Variants in ERBB4 observed in about 807,000 individuals in gnomAD.
ERBB4 encodes receptor tyrosine-protein kinase erbB-4.
In ERBB4, 42 loss-of-function variants were observed where a neutral mutation model predicts 158.0. That is an observed-to-expected ratio of 0.27 (90% CI 0.21 to 0.34). The LOEUF is 0.34. Among genes scored for constraint, ERBB4 ranks in the 10% least tolerant of loss-of-function variants. The probability of loss-of-function intolerance (pLI) is 1.00; values close to 1 mark genes in which losing one functional copy is unlikely to be tolerated. For synonymous variants in ERBB4, 583 were observed against 558.7 expected (o/e 1.04, Z -0.61); for missense variants, 1,333 against 1,624.1 (o/e 0.82, Z 3.08).
intron 3 of ERBB4, among the ~76,000 whole-genome samples, chr2:211,789,504 C>T (rs2076236337): frequency 6.6e-6 from 1 of 152,116 alleles, no homozygotes; most frequent in African/African-American, 2.4e-5. Context: ...GAAGCTGTGA[C>T]TTTTTATTTG....
At chr2:211,474,899 G>A (rs932780324) in intron 20 of ERBB4, among the ~76,000 whole-genome samples, 1 of 151,940 alleles carries the variant, frequency 6.6e-6, no homozygotes, top group Non-Finnish European at 1.5e-5. Flanking sequence ...ACAAGAGGAA[G>A]TAGAAACATG....
At chr2:211,603,953 C>A (rs2068888008) in intron 19 of ERBB4, among the ~76,000 whole-genome samples, 1 of 152,196 alleles carries the variant, frequency 6.6e-6, no homozygotes, top group African/African-American at 2.4e-5. Flanking sequence ...TTCAAGTGGG[C>A]ATATTTAATT....
intron 3 of ERBB4, among the ~76,000 whole-genome samples, chr2:211,889,239 C>T (rs1302873609): frequency 6.9e-6 from 1 of 144,822 alleles, no homozygotes; most frequent in Non-Finnish European, 1.5e-5. Flanking sequence ...GGGTCCCTGA[C>T]CCCTGACCCC....
intron 20 of ERBB4, among the ~76,000 whole-genome samples, chr2:211,552,406 A>G (rs1034490987): frequency 6.6e-6 from 1 of 152,186 alleles, no homozygotes; most frequent in Non-Finnish European, 1.5e-5. Context: ...AAAATATTGA[A>G]TAAATTTTTT....
intron 25 of ERBB4, among the ~76,000 whole-genome samples, chr2:211,396,651 T>A (rs1225370128): frequency 6.6e-6 from 1 of 152,212 alleles, no homozygotes; most frequent in African/African-American, 2.4e-5. Context: ...ACTGCAAATG[T>A]TATAAACCTT....
chr2:212,077,754 C>T (rs936072244), intron 2 of ERBB4, among the ~76,000 whole-genome samples: 13 of 151,942 alleles, frequency 8.6e-5, no homozygotes, highest in African/African-American at 2.4e-4. Flanking sequence ...ATGCTTATTG[C>T]ACATTTCTGT....
chr2:211,586,978 G>A (rs1456086111), intron 19 of ERBB4, among the ~76,000 whole-genome samples: 2 of 152,070 alleles, frequency 1.3e-5, no homozygotes, highest in African/African-American at 2.4e-5. Flanking sequence ...AAATATAGAT[G>A]CTCCTCAACT....
At chr2:211,734,976 A>G (rs1005499805) in intron 5 of ERBB4, among the ~76,000 whole-genome samples, 6 of 151,762 alleles carry the variant, frequency 4.0e-5, no homozygotes, top group African/African-American at 1.2e-4. Context: ...TTTTAAAAAT[A>G]TAATGTGAAG....
At chr2:211,562,828 G>A (rs1223313289) in intron 19 of ERBB4, among the ~76,000 whole-genome samples, 1 of 141,234 alleles carries the variant, frequency 7.1e-6, no homozygotes, top group Non-Finnish European at 1.5e-5. Flanking sequence ...CTGGAGTGCA[G>A]TGGCGGGATC....
intron 1 of ERBB4, among the ~76,000 whole-genome samples, chr2:212,457,334 T>C (rs1195148921): frequency 1.3e-5 from 2 of 152,048 alleles, no homozygotes; most frequent in African/African-American, 4.8e-5. Flanking sequence ...ACATGAATGT[T>C]TGCTGGTTTA....
chr2:211,739,751 G>T (rs949053065), intron 5 of ERBB4, among the ~76,000 whole-genome samples: 1 of 152,208 alleles, frequency 6.6e-6, no homozygotes, highest in Non-Finnish European at 1.5e-5. Flanking sequence ...TTACAGGCGT[G>T]AGCCACTGCG....
chr2:211,959,662 T>G (rs2081128551), intron 2 of ERBB4, among the ~76,000 whole-genome samples: 1 of 152,114 alleles, frequency 6.6e-6, no homozygotes, highest in South Asian at 2.1e-4. Flanking sequence ...TAGTACCTTC[T>G]AAGGCTGCAT....
chr2:211,755,708 A>G (rs2075274409), intron 4 of ERBB4, among the ~76,000 whole-genome samples: 1 of 152,206 alleles, frequency 6.6e-6, no homozygotes, highest in South Asian at 2.1e-4. Context: ...TGTAGGAACT[A>G]GAGTCCATGA....
chr2:211,708,693 T>C (rs918207470), intron 9 of ERBB4, among the ~76,000 whole-genome samples: 6 of 151,514 alleles, frequency 4.0e-5, no homozygotes, highest in African/African-American at 1.5e-4. Flanking sequence ...TTTTATACCA[T>C]TTGTTAAGGT....
At chr2:211,531,335 A>G (rs186192999) in intron 20 of ERBB4, among the ~76,000 whole-genome samples, 1 of 152,280 alleles carries the variant, frequency 6.6e-6, no homozygotes, top group Non-Finnish European at 1.5e-5. Flanking sequence ...GAAGTTAAAA[A>G]GCTTTTGCAC....
chr2:212,407,204 T>G (rs2091372358), intron 1 of ERBB4, among the ~76,000 whole-genome samples: 1 of 151,638 alleles, frequency 6.6e-6, no homozygotes, highest in African/African-American at 2.4e-5. Context: ...TATATGTATG[T>G]ATGTTGCCTT....
chr2:212,083,497 A>T (rs17415969), intron 2 of ERBB4, among the ~76,000 whole-genome samples: 22,123 of 151,942 alleles, frequency 0.15, 2,055 homozygotes, highest in Non-Finnish European at 0.2. Flanking sequence ...ATGACACTAA[A>T]TTGGAAGGCA....
At chr2:212,245,512 C>T (rs760085374) in intron 1 of ERBB4, among the ~76,000 whole-genome samples, 16 of 152,202 alleles carry the variant, frequency 1.1e-4, no homozygotes, top group Middle Eastern at 3.4e-3. Flanking sequence ...CAGATATTGA[C>T]GTTAATATTA....
At chr2:211,682,984 T>C (rs1045725614) in intron 12 of ERBB4, among the ~76,000 whole-genome samples, 2 of 151,806 alleles carry the variant, frequency 1.3e-5, no homozygotes, top group Admixed American at 1.3e-4. Flanking sequence ...TTTGGATAAA[T>C]TGATTATTAA....
Sources: allele counts gnomAD v4.1 joint callset (sites outside exome capture counted in the v4.1 genomes callset), GRCh38; gene constraint gnomAD v4.1.1; transcripts MANE v1.5; gene names NCBI Gene and HGNC (gene_info 2026-07-23, HGNC 2026-07-21).